DYNC2I1: variants seen among roughly 807,000 people sequenced by gnomAD.
The protein encoded by DYNC2I1 is cytoplasmic dynein 2 intermediate chain 1.
In DYNC2I1, 89 loss-of-function variants were observed where a neutral mutation model predicts 133.4. The ratio of observed to expected loss-of-function variants is 0.67; its 90% CI spans 0.56 to 0.80. The LOEUF (loss-of-function observed/expected upper bound fraction) is 0.80. Ranked by LOEUF, DYNC2I1 falls within the 30% of genes least tolerant of loss-of-function variation. The pLI is 0.00. For missense variants in DYNC2I1, 1,291 were observed against 1,314.5 expected (o/e 0.98, Z 0.28); for synonymous variants, 504 against 484.3 (o/e 1.04, Z -0.54).
intron 21 of DYNC2I1, among the ~76,000 whole-genome samples, chr7:158,931,905 G>A (rs1850256813): frequency 2.0e-5 from 3 of 152,338 alleles, no homozygotes; most frequent in Middle Eastern, 6.8e-3. Flanking sequence ...AGGCTCTGCA[G>A]TGGAGTTCAG....
At chr7:158,953,312 G>A (rs573373357) in intron 4 of DYNC2I1, among the ~76,000 whole-genome samples, 15 of 151,924 alleles carry the variant, frequency 9.9e-5, no homozygotes, top group East Asian at 9.7e-4. Context: ...TACCCTCCTC[G>A]CCCTCCTCTC....
intron 8 of DYNC2I1, among the ~76,000 whole-genome samples, chr7:158,894,131 C>CGT (rs374428620): frequency 6.6e-6 from 1 of 151,862 alleles, no homozygotes. Context: ...TACCGCATAT[C>CGT]ATACCGCATA....
rs1281545177 is a variant in DYNC2I1, at chr7:158,923,601, G to C, written c.2125G>C (p.Ala709Pro). The C allele has an allele frequency of 3.1e-6, 5 of 1,613,844 alleles. No homozygotes were observed. Among genetic ancestry groups the C allele is most frequent in the Non-Finnish European group, 4.2e-6 (5 of 1,179,908 alleles). The change falls in exon 17 of 25, where the codon GCA (alanine) becomes CCA (proline). Residue 709 changes from alanine (A) to proline (P), a missense_variant. Ala to Pro is a conservative substitution (Grantham distance 27, BLOSUM62 -1). Transcript: ENST00000407559. ...VTCCCLSPLK[A>P]FLLFAGTAHG... Reference sequence around the variant, plus strand: ...GTGTTGCTGCTTGAGCCCTTTGAAAGCATTTTTACTGTTTGCCGGAACAGC... The same window carrying C: ...GTGTTGCTGCTTGAGCCCTTTGAAACCATTTTTACTGTTTGCCGGAACAGC...
At chr7:158,903,606 C>T (rs1323304937) in intron 10 of DYNC2I1, 1 of 152,290 alleles carries the variant, frequency 6.6e-6, no homozygotes, top group Middle Eastern at 3.4e-3. Flanking sequence ...CTAAAGGGCA[C>T]CTGTCCTGGT....
At chr7:158,864,362 T>C (rs1043821741) in intron 1 of DYNC2I1, among the ~76,000 whole-genome samples, 2 of 152,168 alleles carry the variant, frequency 1.3e-5, no homozygotes, top group African/African-American at 2.4e-5. Flanking sequence ...ATGTGGGGAC[T>C]CAGGCTGGAG....
chr7:158,908,835 TA>T (rs1210939174), intron 11 of DYNC2I1, among the ~76,000 whole-genome samples: 1 of 152,118 alleles, frequency 6.6e-6, no homozygotes, highest in Non-Finnish European at 1.5e-5. Flanking sequence ...GGTAGAAAAG[TA>T]ATGTGTTTGC....
upstream of DYNC2I1, among the ~76,000 whole-genome samples, chr7:158,855,517 C>G (rs547546169): frequency 6.6e-6 from 1 of 152,334 alleles, no homozygotes; most frequent in East Asian, 1.9e-4. Context: ...TGGCTAACAT[C>G]AGTCCTACAA....
At chr7:158,839,367 G>A in the DYNC2I1 span, among the ~76,000 whole-genome samples, 20 of 132,152 alleles carry the variant, frequency 1.5e-4, no homozygotes, top group South Asian at 2.5e-4. Context: ...ATATGACTCC[G>A]TAACACCTGA....
chr7:158,853,431 C>T (rs1384727256), upstream of DYNC2I1, among the ~76,000 whole-genome samples: 1 of 152,122 alleles, frequency 6.6e-6, no homozygotes, highest in Non-Finnish European at 1.5e-5. Context: ...AAGCCTGCTA[C>T]CTGGAGGCCT....
At chr7:158,856,892 C>A in intron 1 of DYNC2I1, 142 bp downstream of exon 1, 1 of 1,008,282 alleles carries the variant, frequency 9.9e-7, no homozygotes, top group Non-Finnish European at 1.3e-6. Context: ...GCCGCGGTGC[C>A]TCCGAGGCAG....
intron 15 of DYNC2I1, among the ~76,000 whole-genome samples, chr7:158,920,000 C>T (rs747672582): frequency 1.3e-4 from 19 of 150,976 alleles, no homozygotes; most frequent in Admixed American, 2.0e-4. Context: ...TGGCCTCCGT[C>T]GGAGAACACG....
At chr7:158,910,050 G>A (rs1421407941) in intron 11 of DYNC2I1, among the ~76,000 whole-genome samples, 4 of 152,176 alleles carry the variant, frequency 2.6e-5, no homozygotes, top group African/African-American at 9.7e-5. Context: ...CATTCATTGA[G>A]CACCGGCTGT....
intron 17 of DYNC2I1, 33 bp from the exon 18 acceptor site, chr7:158,926,154 T>A: frequency 6.5e-7 from 1 of 1,533,960 alleles, no homozygotes; most frequent in Non-Finnish European, 9.0e-7. Context: ...ACTTACTACT[T>A]ACACGTGGAT....
chr7:158,958,207 T>A (rs1254431834), downstream of DYNC2I1, among the ~76,000 whole-genome samples: 2 of 151,842 alleles, frequency 1.3e-5, no homozygotes, highest in African/African-American at 2.4e-5. Context: ...TACTTGATTT[T>A]CGTTGGTGTT....
intron 15 of DYNC2I1, among the ~76,000 whole-genome samples, chr7:158,919,087 A>C (rs1848759414): frequency 6.6e-6 from 1 of 152,226 alleles, no homozygotes; most frequent in African/African-American, 2.4e-5. Flanking sequence ...GATGAATAGA[A>C]GAGGGATCCA....
At chr7:158,862,552 T>TAA (rs71200073) in intron 1 of DYNC2I1, among the ~76,000 whole-genome samples, 16,426 of 105,588 alleles carry the variant, frequency 0.16, 1,651 homozygotes, top group East Asian at 0.59. Flanking sequence ...CCCTATCTCT[T>TAA]AAAAAAAAAA....
chr7:158,906,365 T>A (rs1452785202), intron 11 of DYNC2I1, among the ~76,000 whole-genome samples: 1 of 152,176 alleles, frequency 6.6e-6, no homozygotes, highest in Non-Finnish European at 1.5e-5. Context: ...ATTTGTAAAA[T>A]TTAGAAATCT....
chr7:158,931,093 A>C (rs10226711), intron 21 of DYNC2I1, among the ~76,000 whole-genome samples: 24,058 of 152,200 alleles, frequency 0.16, 2,060 homozygotes, highest in African/African-American at 0.18. Context: ...TTCAGTTCTC[A>C]TGCAACCCTG....
Position 158,917,151 on chromosome 7 carries a change from G to T in DYNC2I1, c.1792-1589G>T, listed in dbSNP as rs532012241. Among the ~76,000 whole-genome samples the T allele has an allele frequency of 4.3e-4, 58 of 136,214 alleles. 13 individuals are homozygous for T. Among genetic ancestry groups the T allele is most frequent in the African/African-American group, 1.4e-3 (49 of 34,526 alleles). 89.4% of individuals were successfully genotyped at this position (136,214 alleles called of 152,430 possible). On this transcript the variant is annotated intron_variant, in intron 14 of 24. Transcript: ENST00000407559. ...CGACACGCTGGTTGAGATTAAGGAT[G>T]ATTGTGAAATGTTGACACGTGGTTG...
Sources: allele counts gnomAD v4.1 joint callset (sites outside exome capture counted in the v4.1 genomes callset), GRCh38; gene constraint gnomAD v4.1.1; transcripts MANE v1.5; gene names NCBI Gene and HGNC (gene_info 2026-07-23, HGNC 2026-07-21).